The following UMAD1 variants were observed in gnomAD, a reference collection of about 807,000 sequenced individuals.
UMAD1 encodes the protein UBAP1-MVB12-associated (UMA)-domain containing protein 1.
UMAD1 carries 8 observed loss-of-function variants against 6.1 expected under a neutral mutation model. The ratio of observed to expected loss-of-function variants is 1.30; its 90% CI spans 0.76 to 2.35. The LOEUF (loss-of-function observed/expected upper bound fraction) is 2.35. UMAD1 is among the 30% of genes most tolerant of loss of function. The probability of loss-of-function intolerance (pLI) is 0.00; values close to 1 mark genes in which losing one functional copy is unlikely to be tolerated. For synonymous variants in UMAD1, 56 were observed against 31.4 expected (o/e 1.78, Z -2.61); for missense variants, 130 against 78.4 (o/e 1.66, Z -2.49).
intron 3 of UMAD1, among the ~76,000 whole-genome samples, chr7:7,816,956 G>A (rs769444893): frequency 2.6e-5 from 4 of 152,192 alleles, no homozygotes; most frequent in Non-Finnish European, 5.9e-5. Flanking sequence ...CTCTTCAGCT[G>A]CCTGTAGGAT....
At chr7:7,708,890 T>C (rs1206251574) in intron 2 of UMAD1, among the ~76,000 whole-genome samples, 1 of 151,894 alleles carries the variant, frequency 6.6e-6, no homozygotes, top group Non-Finnish European at 1.5e-5. Context: ...TTAAGAAGTT[T>C]TTAACCAGCA....
chr7:7,648,226 C>T (rs548571041), intron 1 of UMAD1, among the ~76,000 whole-genome samples: 60 of 152,196 alleles, frequency 3.9e-4, no homozygotes, highest in Non-Finnish European at 7.6e-4. Flanking sequence ...GGATGGATTC[C>T]TTTCTAAGAG....
rs768967798 is a variant in UMAD1, at chr7:7,877,374, G to A, written c.250G>A (p.Glu84Lys). ...QTLENSSLMA[E>K]LLSDVPFTLA... ...TCTGGAGAACAGCTCATTAATGGCC[G>A]AGCTCCTGAGCGATGTGCCGTTCAC... The change falls in exon 4 of 4, where the codon GAG becomes AAG. Residue 84 changes from glutamate to lysine, a missense_variant. Transcript: ENST00000682710. 2 of 717,498 alleles carry A rather than the reference G, an allele frequency of 2.8e-6. No homozygotes were observed. Among genetic ancestry groups the A allele is most frequent in the Non-Finnish European group, 5.2e-6 (2 of 385,106 alleles). 44.4% of individuals were successfully genotyped at this position (717,498 alleles called of 1,614,324 possible).
At chr7:7,871,525 G>A (rs926168607) in intron 3 of UMAD1, among the ~76,000 whole-genome samples, 1 of 152,162 alleles carries the variant, frequency 6.6e-6, no homozygotes, top group Admixed American at 6.5e-5. Context: ...TTACAAGGCT[G>A]TTGTAAGACT....
intron 3 of UMAD1, among the ~76,000 whole-genome samples, chr7:7,861,706 C>T (rs553998388): frequency 3.9e-5 from 6 of 152,238 alleles, no homozygotes; most frequent in African/African-American, 1.2e-4. Flanking sequence ...GTGGATTACT[C>T]TATATATCAA....
intron 3 of UMAD1, among the ~76,000 whole-genome samples, chr7:7,866,560 A>G (rs2348768): frequency 0.76 from 115,406 of 152,186 alleles, 43,991 homozygotes; most frequent in Middle Eastern, 0.86. Flanking sequence ...AAGGCTCAGA[A>G]CTAAAGAGAA....
At chr7:7,844,062 C>CT (rs1783737984) in intron 3 of UMAD1, among the ~76,000 whole-genome samples, 1 of 152,210 alleles carries the variant, frequency 6.6e-6, no homozygotes. Flanking sequence ...TGCCTGAATA[C>CT]TTATCCTAAA....
Position 7,850,517 on chromosome 7 carries a change from G to A in UMAD1, c.157-26764G>A, listed in dbSNP as rs959240012. Reference sequence around the variant, plus strand: ...ATTGATCACAATATCATATTTCTTGGCAACAAAGAAAACTGATATAAGTTA... The same window carrying A: ...ATTGATCACAATATCATATTTCTTGACAACAAAGAAAACTGATATAAGTTA... On this transcript the variant is annotated intron_variant, in intron 3 of 3. Coordinates refer to ENST00000682710, the MANE Select transcript of UMAD1 (RefSeq NM_001302348.2). 9.2e-5 allele frequency among the ~76,000 whole-genome samples: 14 copies of A among 151,708 alleles called. 1 individual carries two copies. The highest frequency in any genetic ancestry group is 3.4e-4 in the African/African-American group (14 of 41,302).
chr7:7,815,222 A>C (rs750863484), intron 3 of UMAD1, among the ~76,000 whole-genome samples: 1 of 152,180 alleles, frequency 6.6e-6, no homozygotes, highest in Non-Finnish European at 1.5e-5. Context: ...CTTGTAGCTC[A>C]GATCTTGGCT....
At chr7:7,859,240 A>G (rs1338477772) in intron 3 of UMAD1, among the ~76,000 whole-genome samples, 1 of 152,236 alleles carries the variant, frequency 6.6e-6, no homozygotes, top group African/African-American at 2.4e-5. Context: ...CTAAGAAAAT[A>G]CATTCTGACT....
At chr7:7,857,431 A>G (rs140165542) in intron 3 of UMAD1, among the ~76,000 whole-genome samples, 3 of 152,360 alleles carry the variant, frequency 2.0e-5, no homozygotes, top group African/African-American at 4.8e-5. Flanking sequence ...GGTCCCAACC[A>G]TCTGGCACTT....
At chr7:7,663,191 A>AG in intron 1 of UMAD1, among the ~76,000 whole-genome samples, 1 of 151,278 alleles carries the variant, frequency 6.6e-6, no homozygotes, top group Non-Finnish European at 1.5e-5. Context: ...TTAAAAAAAA[A>AG]AAGTCTGGTC....
intron 3 of UMAD1, among the ~76,000 whole-genome samples, chr7:7,857,557 A>C (rs1207731252): frequency 6.6e-6 from 1 of 152,254 alleles, no homozygotes; most frequent in Admixed American, 6.5e-5. Flanking sequence ...AGTCGTCCTC[A>C]TGAACACAGG....
At chr7:7,868,520 C>T (rs771669609) in intron 3 of UMAD1, 2 of 148,740 alleles carry the variant, frequency 1.3e-5, no homozygotes, top group Admixed American at 6.8e-5. Flanking sequence ...TGGAGAACCA[C>T]GGAGCACAAG....
chr7:7,648,330 C>G (rs1226425761), intron 1 of UMAD1, among the ~76,000 whole-genome samples: 4 of 152,326 alleles, frequency 2.6e-5, no homozygotes, highest in African/African-American at 9.6e-5. Context: ...AGACTTTATA[C>G]TGTGTGGCCC....
intron 2 of UMAD1, among the ~76,000 whole-genome samples, chr7:7,674,316 C>T (rs184164751): frequency 2.0e-4 from 31 of 152,312 alleles, no homozygotes; most frequent in Admixed American, 1.9e-3. Flanking sequence ...ATCAGACTGG[C>T]ATCTGCTAGC....
chr7:7,672,382 A>C (rs1156819691), intron 1 of UMAD1, among the ~76,000 whole-genome samples: 1 of 152,152 alleles, frequency 6.6e-6, no homozygotes, highest in East Asian at 1.9e-4. Context: ...GCGTGTGAGC[A>C]TGTGTGTATG....
At chr7:7,792,914 C>G (rs941821073) in intron 2 of UMAD1, among the ~76,000 whole-genome samples, 2 of 152,164 alleles carry the variant, frequency 1.3e-5, no homozygotes, top group Non-Finnish European at 2.9e-5. Flanking sequence ...TCAACCCCTT[C>G]TAAGGGCACT....
intron 2 of UMAD1, chr7:7,689,430 T>A (rs1344438464): frequency 6.6e-6 from 1 of 152,170 alleles, no homozygotes; most frequent in African/African-American, 2.4e-5. Flanking sequence ...TATTCACTAA[T>A]TTGGGAGCTG....
Sources: allele counts gnomAD v4.1 joint callset (sites outside exome capture counted in the v4.1 genomes callset), GRCh38; gene constraint gnomAD v4.1.1; transcripts MANE v1.5; gene names NCBI Gene and HGNC (gene_info 2026-07-23, HGNC 2026-07-21).